PARP12: variants seen among roughly 807,000 people sequenced by gnomAD.
The protein encoded by PARP12 is poly(ADP-ribose) polymerase family member 12.
In PARP12, 59 loss-of-function variants were observed where a neutral mutation model predicts 72.4. The ratio of observed to expected loss-of-function variants is 0.81; its 90% CI spans 0.66 to 1.01. The LOEUF is 1.01. Among genes scored for constraint, PARP12 ranks in the 50% least tolerant of loss-of-function variants. The pLI is 0.00. For missense variants in PARP12, 851 were observed against 914.0 expected (o/e 0.93, Z 0.89); for synonymous variants, 403 against 371.4 (o/e 1.09, Z -0.98).
intron 8 of PARP12, 60 bp downstream of exon 8, chr7:140,034,175 A>T: frequency 6.4e-6 from 10 of 1,574,630 alleles, no homozygotes; most frequent in Non-Finnish European, 8.6e-6. Flanking sequence ...TTCTGTCACC[A>T]CTGCAGAGCA....
In PARP12 at chr7:140,047,502, T is replaced by C. The variant is rs537581095; in HGVS notation, c.863-495A>G. 2.0e-5 allele frequency among the ~76,000 whole-genome samples: 3 copies of C among 152,360 alleles called. No homozygotes were observed. The East Asian group carries it at 5.8e-4, about 29-fold the overall frequency. On this transcript the variant is annotated intron_variant, in intron 4 of 11. Transcript: ENST00000263549. ...GACAACCTGGACTTCTCAGCCTCCA[T>C]ATAGGTAAGACATAAATTCCTTTTC...
At chr7:140,045,002 T>G (rs17161378) in intron 5 of PARP12, among the ~76,000 whole-genome samples, 24,376 of 151,644 alleles carry the variant, frequency 0.16, 2,978 homozygotes, top group African/African-American at 0.35. Flanking sequence ...AAATATTATA[T>G]CAGCAATACA....
chr7:140,031,396 CATAA>C (rs1434025579), intron 8 of PARP12, among the ~76,000 whole-genome samples: 4 of 151,188 alleles, frequency 2.6e-5, no homozygotes, highest in Non-Finnish European at 4.4e-5. Context: ...TAAATAAATA[CATAA>C]ATAAATTTTA....
At chr7:140,053,949 CTG>C in intron 4 of PARP12, among the ~76,000 whole-genome samples, 1 of 152,318 alleles carries the variant, frequency 6.6e-6, no homozygotes, top group Non-Finnish European at 1.5e-5. Context: ...ATGCTTCACT[CTG>C]TATTACTGAA....
At position 140,036,022 on chromosome 7, in the gene PARP12, G is replaced by C. The variant is rs1256920733; in HGVS notation, c.1325-1691C>G. ...AGGAGAAGGAGGAGAAGGAGGAGAAGGAGGAGAAGGAGGAGAAGGAGGAGA... is the reference window on the plus strand; with the variant it reads ...AGGAGAAGGAGGAGAAGGAGGAGAACGAGGAGAAGGAGGAGAAGGAGGAGA... On this transcript the variant is annotated intron_variant, in intron 7 of 11. Coordinates refer to ENST00000263549, the MANE Select transcript of PARP12 (RefSeq NM_022750.4). 4.0e-5 allele frequency among the ~76,000 whole-genome samples: 3 copies of C among 74,766 alleles called. 1 individual carries two copies. The highest frequency in any genetic ancestry group is 1.9e-4 in the African/African-American group (2 of 10,790). The allele number at this position is 74,766 out of a possible 152,430, so 49.0% of individuals were successfully genotyped here.
chr7:140,044,969 G>C (rs548267949), intron 5 of PARP12, among the ~76,000 whole-genome samples: 1 of 151,504 alleles, frequency 6.6e-6, no homozygotes, highest in East Asian at 1.9e-4. Flanking sequence ...AAAACAATAC[G>C]AATTTCTAAC....
At chr7:140,040,716 T>C (rs1240687613) in intron 6 of PARP12, among the ~76,000 whole-genome samples, 1 of 152,182 alleles carries the variant, frequency 6.6e-6, no homozygotes. Flanking sequence ...GAGTACAAAA[T>C]ACCTATCGAT....
At chr7:140,035,971 CGAGGAGGAGGAGGAGGAG>C (rs1164850035) in intron 7 of PARP12, among the ~76,000 whole-genome samples, 1 of 20,226 alleles carries the variant, frequency 4.9e-5, no homozygotes, top group Admixed American at 5.6e-4. Flanking sequence ...AGGAGGAGGA[CGAGGAGGAGGAGGAGGAG>C]GAGGAGGAGG....
At chr7:140,047,153 C>A (rs529766907) in intron 4 of PARP12, 146 bp from the exon 5 acceptor site, 57 of 857,052 alleles carry the variant, frequency 6.7e-5, no homozygotes, top group Admixed American at 1.7e-4. Context: ...TGCCGGCATG[C>A]CTGAGCATTT....
At chr7:140,050,220 T>G (rs113727669) in intron 4 of PARP12, among the ~76,000 whole-genome samples, 9 of 152,102 alleles carry the variant, frequency 5.9e-5, no homozygotes, top group Admixed American at 2.0e-4. Context: ...TCATCACAGA[T>G]TCAGAGTCAG....
intron 4 of PARP12, among the ~76,000 whole-genome samples, chr7:140,047,802 G>C (rs552094189): frequency 8.9e-4 from 135 of 152,186 alleles, no homozygotes; most frequent in Admixed American, 3.5e-3. Context: ...TTTTTGTAGA[G>C]ACAAGGTTTC....
intron 5 of PARP12, among the ~76,000 whole-genome samples, 163 bp downstream of exon 5, chr7:140,046,721 A>AGTGTGTGTGTGTGT (rs9340757): frequency 0.011 from 1,549 of 135,464 alleles, 23 homozygotes; most frequent in African/African-American, 0.021. Flanking sequence ...GGTGGCTCAC[A>AGTGTGTGTGTGTGT]GTGTGTGTGT....
chr7:140,045,669 G>A (rs748927033), intron 5 of PARP12, among the ~76,000 whole-genome samples: 21 of 152,046 alleles, frequency 1.4e-4, no homozygotes, highest in Non-Finnish European at 2.2e-4. Context: ...AGTATATAAC[G>A]TCCAAACTAG....
chr7:140,057,617 AT>A, intron 2 of PARP12: 1 of 445,922 alleles, frequency 2.2e-6, no homozygotes, highest in Non-Finnish European at 4.0e-6. Context: ...CCACCCTTTC[AT>A]TTCTCAATGG....
chr7:140,046,116 C>T (rs1489490797), intron 5 of PARP12, among the ~76,000 whole-genome samples: 1 of 152,210 alleles, frequency 6.6e-6, no homozygotes, highest in Non-Finnish European at 1.5e-5. Context: ...TATCTAGGCT[C>T]TTCGCTGTGT....
rs556946685 is a variant in PARP12, at chr7:140,045,122, T to C, written c.986+1762A>G. Among the ~76,000 whole-genome samples, 5 of 152,144 alleles carry C rather than the reference T, an allele frequency of 3.3e-5. No individual in the cohort carries two copies. The South Asian group carries it at 1.0e-3, about 32-fold the overall frequency. On this transcript the variant is annotated intron_variant, in intron 5 of 11. Coordinates refer to ENST00000263549, the MANE Select transcript of PARP12 (RefSeq NM_022750.4). ...ATAGCTCACTGCAGCATCAAACTCCTGGGCTCAAATGGTGCTCCCTCTGCA... is the reference window on the plus strand; with the variant it reads ...ATAGCTCACTGCAGCATCAAACTCCCGGGCTCAAATGGTGCTCCCTCTGCA...
At chr7:140,034,384 C>A in intron 7 of PARP12, 53 bp from the exon 8 acceptor site, 1 of 1,405,946 alleles carries the variant, frequency 7.1e-7, no homozygotes, top group Non-Finnish European at 9.8e-7. Flanking sequence ...TACATACACA[C>A]AGGATGGCAA....
Position 140,026,310 on chromosome 7 carries a change from G to A in PARP12, c.1667C>T (p.Ala556Val), listed in dbSNP as rs1815736483. The A allele has an allele frequency of 2.5e-6, 4 of 1,612,770 alleles. No homozygotes were observed. Among genetic ancestry groups the A allele is most frequent in the Non-Finnish European group, 3.4e-6 (4 of 1,180,030 alleles). ...GTGGAACAGCTGCCGCTCGTCCACGGCCTTCCCTCCGTTCTGCTTCTGCAT... is the reference window on the plus strand; with the variant it reads ...GTGGAACAGCTGCCGCTCGTCCACGACCTTCCCTCCGTTCTGCTTCTGCAT... ...GQMQKQNGGK[A>V]VDERQLFHGT... The change falls in exon 11 of 12, where the codon GCC becomes GTC. Residue 556 changes from alanine to valine, a missense_variant. By Grantham distance (64) the Ala-to-Val change is moderately conservative. Around this residue, in one of 3 missense-constraint regions of PARP12, gnomAD observed 347 missense variants for 396.1 expected, o/e 0.88. Transcript: ENST00000263549.
At position 140,028,684 on chromosome 7, in the gene PARP12, T is replaced by C. The variant is rs757234195; in HGVS notation, c.1426A>G (p.Thr476Ala). Residue 476 changes from threonine to alanine, a missense_variant, in exon 9 of 12, where the codon ACC becomes GCC. Transcript: ENST00000263549. The part of the protein sequence containing the change: ...QDVTTMQTCN[T>A]KFPGPKSIPD... ...ATGCTCTTCGGGCCTGGAAACTTGG[T>C]ATTGCTACAAAAATGTAAACAAAAA... is the stretch of plus-strand genomic sequence containing the variant. 1 of 1,600,658 alleles carries C rather than the reference T, an allele frequency of 6.2e-7. No homozygotes were observed. The highest frequency in any genetic ancestry group is 8.5e-7 in the Non-Finnish European group (1 of 1,172,868).
Sources: gnomAD v4.1 joint callset for allele counts (sites outside exome capture counted in the v4.1 genomes callset) on GRCh38, gnomAD v4.1.1 for gene constraint, gnomAD v4.1.1 regional missense constraint, MANE v1.5 for transcripts, NCBI Gene and HGNC (gene_info 2026-07-23, HGNC 2026-07-21) for gene names.